Variants in THSD7A observed in about 807,000 individuals in gnomAD.
THSD7A encodes the protein thrombospondin type 1 domain containing 7A, also known as thrombospondin type-1 domain-containing protein 7A.
Under a neutral mutation model 231.3 loss-of-function variants are expected in THSD7A, and 96 were observed. The observed-to-expected ratio is 0.41, with a 90% CI of 0.35 to 0.49. The LOEUF is 0.49. Among genes scored for constraint, THSD7A ranks in the 20% least tolerant of loss-of-function variants. The probability of loss-of-function intolerance (pLI) is 0.05; values close to 1 mark genes in which losing one functional copy is unlikely to be tolerated. For synonymous variants in THSD7A, 940 were observed against 743.3 expected, an observed-to-expected ratio of 1.26 and a Z score of -4.30; for missense variants, 2,290 against 2,070.2, an observed-to-expected ratio of 1.11 and a Z score of -2.06.
Position 11,373,667 on chromosome 7 carries a change from T to C in THSD7A, c.*2127A>G, listed in dbSNP as rs1307224347. 6.6e-6 allele frequency: 1 copy of C among 152,004 alleles called. No homozygotes were observed. Among genetic ancestry groups the C allele is most frequent in the African/African-American group, 2.4e-5 (1 of 41,434 alleles). The allele number at this position is 152,004 out of a possible 1,614,324, so 9.4% of individuals were successfully genotyped here. On this transcript the variant is annotated 3_prime_UTR_variant, in exon 28 of 28. Transcript: ENST00000423059. ...ATTGAAATACATACAAATATTTTCA[T>C]TTTGGGGACAATGACATCCTAACCT...
At chr7:11,577,067 G>T (rs1790944446) in intron 4 of THSD7A, among the ~76,000 whole-genome samples, 1 of 152,156 alleles carries the variant, frequency 6.6e-6, no homozygotes, top group Admixed American at 6.6e-5. Flanking sequence ...CTAATTATCA[G>T]GTTAGTTATG....
At chr7:11,440,282 C>CT (rs1784762578) in intron 13 of THSD7A, among the ~76,000 whole-genome samples, 1 of 152,076 alleles carries the variant, frequency 6.6e-6, no homozygotes, top group Non-Finnish European at 1.5e-5. Flanking sequence ...ATGTAGTCAT[C>CT]TAAGAGCTCT....
At position 11,372,012 on chromosome 7, in the gene THSD7A, G is replaced by C. The variant is rs1467541924; in HGVS notation, c.*3782C>G. 1 of 152,034 alleles carries C rather than the reference G, an allele frequency of 6.6e-6. No homozygotes were observed. Among genetic ancestry groups the C allele is most frequent in the East Asian group, 1.9e-4 (1 of 5,144 alleles). The allele number at this position is 152,034 out of a possible 1,614,324, so 9.4% of individuals were successfully genotyped here. A position where few individuals can be genotyped will look rare whatever the true frequency, so the allele number is the denominator to read the frequency against. ...AAGGGCCAAGGATACAGGTTGTTGGGGGAGGTAAATAAGTGTGTGAGAGGT... is the reference window on the plus strand; with the variant it reads ...AAGGGCCAAGGATACAGGTTGTTGGCGGAGGTAAATAAGTGTGTGAGAGGT... On this transcript the variant is annotated 3_prime_UTR_variant, in exon 28 of 28. Coordinates refer to ENST00000423059, the MANE Select transcript of THSD7A (RefSeq NM_015204.3).
intron 1 of THSD7A, among the ~76,000 whole-genome samples, chr7:11,720,956 T>G (rs1415552082): frequency 6.6e-6 from 1 of 151,818 alleles, no homozygotes; most frequent in Non-Finnish European, 1.5e-5. Context: ...TCCTCTTCTA[T>G]TTTTGCTCTG....
Position 11,798,442 on chromosome 7 carries a change from G to A in THSD7A, c.190+33315C>T, listed in dbSNP as rs1189495175. 2.0e-5 allele frequency among the ~76,000 whole-genome samples: 3 copies of A among 151,632 alleles called. No individual in the cohort carries two copies. In the East Asian group the frequency reaches 5.8e-4, roughly 29 times the overall value. ...GCTGAGATTACATCATCGCACTCTA[G>A]CCTGGGCGACAGAGTGAGACGCTAT... is the stretch of plus-strand genomic sequence containing the variant. On this transcript the variant is annotated intron_variant, in intron 1 of 27. Coordinates refer to ENST00000423059, the MANE Select transcript of THSD7A (RefSeq NM_015204.3).
chr7:11,725,816 C>T (rs1450811976), intron 1 of THSD7A, among the ~76,000 whole-genome samples: 4 of 151,838 alleles, frequency 2.6e-5, no homozygotes, highest in Non-Finnish European at 5.9e-5. Context: ...TGTTTCTTTA[C>T]TGGGACTCCT....
chr7:11,489,221 T>A (rs1242188607), intron 6 of THSD7A, among the ~76,000 whole-genome samples: 1 of 152,106 alleles, frequency 6.6e-6, no homozygotes, highest in Admixed American at 6.6e-5. Context: ...TGCCAGAACC[T>A]ATATTGCTTT....
rs1782173648 is a variant in THSD7A, at chr7:11,374,215, A to ATTCTT, written c.*1574_*1578dup. 1 of 152,166 alleles carries ATTCTT rather than the reference A, an allele frequency of 6.6e-6. No individual in the cohort carries two copies. The highest frequency in any genetic ancestry group is 2.1e-4 in the South Asian group (1 of 4,834). The allele number at this position is 152,166 out of a possible 1,614,324, so 9.4% of individuals were successfully genotyped here. On this transcript the variant is annotated 3_prime_UTR_variant, in exon 28 of 28. Transcript: ENST00000423059. ...GTTATATAGGAAAACAGTTATGTTCATTCTTTTATTTACTAAGATTGCATT... is the reference window on the plus strand; with the variant it reads ...GTTATATAGGAAAACAGTTATGTTCATTCTTTTCTTTTATTTACTAAGATTGCATT...
chr7:11,477,389 A>G (rs1786236620), intron 7 of THSD7A, among the ~76,000 whole-genome samples: 1 of 152,190 alleles, frequency 6.6e-6, no homozygotes, highest in African/African-American at 2.4e-5. Flanking sequence ...ATTATATCAT[A>G]CTGAGGACAC....
chr7:11,641,597 A>G (rs1299343436), intron 1 of THSD7A, among the ~76,000 whole-genome samples: 1 of 152,044 alleles, frequency 6.6e-6, no homozygotes, highest in Non-Finnish European at 1.5e-5. Context: ...ATCTTATTCC[A>G]AGTATATTTA....
At chr7:11,663,633 T>C (rs1409718551) in intron 1 of THSD7A, among the ~76,000 whole-genome samples, 2 of 150,652 alleles carry the variant, frequency 1.3e-5, no homozygotes, top group Non-Finnish European at 3.0e-5. Flanking sequence ...CAAACATGGA[T>C]GCAAATTTTT....
At chr7:11,480,823 G>T (rs573898976) in intron 7 of THSD7A, among the ~76,000 whole-genome samples, 8 of 151,954 alleles carry the variant, frequency 5.3e-5, no homozygotes, top group African/African-American at 1.2e-4. Context: ...AATAGAAAAA[G>T]TATAGGCAAC....
chr7:11,492,497 C>T (rs1786937399), intron 6 of THSD7A, among the ~76,000 whole-genome samples: 1 of 151,908 alleles, frequency 6.6e-6, no homozygotes, highest in African/African-American at 2.4e-5. Flanking sequence ...ATGAGTAAGA[C>T]CAAATGACTT....
chr7:11,394,423 G>C (rs866029526), intron 23 of THSD7A, among the ~76,000 whole-genome samples: 8 of 152,256 alleles, frequency 5.3e-5, no homozygotes, highest in African/African-American at 1.7e-4. Flanking sequence ...CAGAGTGGTG[G>C]GAGAAACTAT....
intron 1 of THSD7A, among the ~76,000 whole-genome samples, chr7:11,731,188 A>T (rs1027041783): frequency 6.6e-6 from 1 of 151,460 alleles, no homozygotes; most frequent in Non-Finnish European, 1.5e-5. Context: ...CTTATGCTAT[A>T]TAGTGTCATA....
At position 11,691,529 on chromosome 7, in the gene THSD7A, T is replaced by G. The variant is rs570168643; in HGVS notation, c.191-54568A>C. Reference sequence around the variant, plus strand: ...GCCTTGGAAATTCTTCCAAATTTTATATTCTATAATTCCTTTTACAAGAGT... The same window carrying G: ...GCCTTGGAAATTCTTCCAAATTTTAGATTCTATAATTCCTTTTACAAGAGT... On this transcript the variant is annotated intron_variant, in intron 1 of 27. Coordinates refer to ENST00000423059, the MANE Select transcript of THSD7A (RefSeq NM_015204.3). Among the ~76,000 whole-genome samples the G allele has an allele frequency of 1.8e-3, 271 of 151,546 alleles. 1 individual carries two copies. Among genetic ancestry groups the G allele is most frequent in the African/African-American group, 6.3e-3 (262 of 41,464 alleles).
At position 11,680,742 on chromosome 7, in the gene THSD7A, C is replaced by T. The variant is rs558184343; in HGVS notation, c.191-43781G>A. Among the ~76,000 whole-genome samples the T allele has an allele frequency of 1.1e-4, 16 of 152,214 alleles. 1 individual carries two copies. The South Asian group carries it at 3.3e-3, about 32-fold the overall frequency. On this transcript the variant is annotated intron_variant, in intron 1 of 27. Transcript: ENST00000423059. ...ATGTGGAGAAATAAGAATGCTTTTA[C>T]AGTGTCAGTGGGTGTGTAAATTAGC...
At chr7:11,383,560 G>C (rs535649527) in intron 23 of THSD7A, among the ~76,000 whole-genome samples, 1 of 151,978 alleles carries the variant, frequency 6.6e-6, no homozygotes, top group Non-Finnish European at 1.5e-5. Flanking sequence ...TCCATCAGTA[G>C]TGCATAAAGA....
chr7:11,537,875 G>A (rs1466111681), intron 6 of THSD7A, among the ~76,000 whole-genome samples: 2 of 152,160 alleles, frequency 1.3e-5, no homozygotes, highest in Admixed American at 1.3e-4. Flanking sequence ...CTCCACATGT[G>A]CTTAGACATA....
Sources: allele counts gnomAD v4.1 joint callset (sites outside exome capture counted in the v4.1 genomes callset), GRCh38; gene constraint gnomAD v4.1.1; transcripts MANE v1.5; gene names NCBI Gene and HGNC (gene_info 2026-07-23, HGNC 2026-07-21).